The following ZBTB16 variants were observed in gnomAD, a reference collection of about 807,000 sequenced individuals.
The protein encoded by ZBTB16 is zinc finger and BTB domain-containing protein 16.
In ZBTB16, 8 loss-of-function variants were observed where a neutral mutation model predicts 56.8. The observed-to-expected ratio is 0.14, with a 90% CI of 0.08 to 0.25. The LOEUF (loss-of-function observed/expected upper bound fraction) is 0.25. Among genes scored for constraint, ZBTB16 ranks in the 10% least tolerant of loss-of-function variants. ZBTB16 has a pLI of 1.00. For synonymous variants in ZBTB16, 363 were observed against 368.5 expected (o/e 0.98, Z 0.17); for missense variants, 625 against 903.0 (o/e 0.69, Z 3.95).
chr11:114,196,857 T>G (rs927251274), intron 4 of ZBTB16, among the ~76,000 whole-genome samples: 5 of 152,142 alleles, frequency 3.3e-5, no homozygotes, highest in African/African-American at 4.8e-5. Flanking sequence ...ATATAGACCT[T>G]TTTTCCTCCC....
chr11:114,250,585 G>A lies in ZBTB16; in HGVS notation c.*30G>A. Reference sequence around the variant, plus strand: ...AGGCCCGCGGCGGTGGAGCCGAGCGGGGAGCCAGGAAAGAAGAGTTGGAGT... The same window carrying A: ...AGGCCCGCGGCGGTGGAGCCGAGCGAGGAGCCAGGAAAGAAGAGTTGGAGT... On this transcript the variant is annotated 3_prime_UTR_variant, in exon 7 of 7. Coordinates refer to ENST00000335953, the MANE Select transcript of ZBTB16 (RefSeq NM_006006.6). This position sits in a 1 kb window ranked among gnomAD's most constrained non-coding sequence, Gnocchi z 6.0. 2 of 1,610,136 alleles carry A rather than the reference G, an allele frequency of 1.2e-6. No homozygotes were observed. Among genetic ancestry groups the A allele is most frequent in the Non-Finnish European group, 1.7e-6 (2 of 1,176,786 alleles).
chr11:114,075,648 T>TATATATATATATATATATATATATATATA (rs1939532573), intron 2 of ZBTB16, among the ~76,000 whole-genome samples: 1 of 147,614 alleles, frequency 6.8e-6, no homozygotes, highest in African/African-American at 2.5e-5. Flanking sequence ...TATATATATA[T>TATATATATATATATATATATATATATATA]TTAGTAGAGA....
chr11:114,096,191 C>T (rs1309481908), intron 2 of ZBTB16, among the ~76,000 whole-genome samples: 1 of 152,104 alleles, frequency 6.6e-6, no homozygotes, highest in African/African-American at 2.4e-5. Context: ...CCTAAAATTG[C>T]CTTTTCCCTT....
chr11:114,172,567 G>A (rs777923425), intron 3 of ZBTB16, among the ~76,000 whole-genome samples: 2 of 152,126 alleles, frequency 1.3e-5, no homozygotes, highest in African/African-American at 4.8e-5. Context: ...TAACCTCTGC[G>A]GCAAAGTTGT....
At chr11:114,083,524 T>G (rs1565615496) in intron 2 of ZBTB16, among the ~76,000 whole-genome samples, 1 of 152,134 alleles carries the variant, frequency 6.6e-6, no homozygotes, top group Non-Finnish European at 1.5e-5. Flanking sequence ...CCAAGCTTCC[T>G]CAGCCACCCA....
chr11:114,130,891 CTG>C (rs1460625207), intron 2 of ZBTB16, among the ~76,000 whole-genome samples: 1 of 152,192 alleles, frequency 6.6e-6, no homozygotes, highest in Non-Finnish European at 1.5e-5. Context: ...TTCTGGCTAA[CTG>C]AGGCTTAACT....
chr11:114,142,295 C>T (rs1285364711), intron 2 of ZBTB16, among the ~76,000 whole-genome samples: 2 of 152,216 alleles, frequency 1.3e-5, no homozygotes, highest in Admixed American at 1.3e-4. Flanking sequence ...ACCCCCTTCC[C>T]CAGTAGCTCT....
intron 2 of ZBTB16, among the ~76,000 whole-genome samples, chr11:114,100,006 G>A (rs1000800076): frequency 6.6e-6 from 1 of 152,140 alleles, no homozygotes; most frequent in African/African-American, 2.4e-5. Context: ...TCCTTAAAAG[G>A]TTTAAAAAGA....
intron 2 of ZBTB16, among the ~76,000 whole-genome samples, chr11:114,069,377 G>A (rs1460439137): frequency 7.9e-5 from 12 of 152,222 alleles, no homozygotes; most frequent in Admixed American, 5.9e-4. Context: ...GAGCCACCAC[G>A]CCCGGCCTAT....
chr11:114,229,358 C>G (rs1183891570), intron 4 of ZBTB16, among the ~76,000 whole-genome samples: 3 of 152,184 alleles, frequency 2.0e-5, no homozygotes, highest in Non-Finnish European at 4.4e-5. Flanking sequence ...GGATAGAGAA[C>G]AGCTAGCAGA....
At chr11:114,072,585 T>C (rs1405113089) in intron 2 of ZBTB16, among the ~76,000 whole-genome samples, 7 of 152,134 alleles carry the variant, frequency 4.6e-5, no homozygotes, top group Non-Finnish European at 8.8e-5. Context: ...GCTTCTAAAA[T>C]GTGGACTCAG....
intron 5 of ZBTB16, among the ~76,000 whole-genome samples, chr11:114,243,764 T>C (rs1353075927): frequency 1.3e-5 from 2 of 152,226 alleles, no homozygotes; most frequent in African/African-American, 4.8e-5. Context: ...TTTCAGCCAC[T>C]TCTGAGCATG....
At chr11:114,218,128 T>C (rs1447882805) in intron 4 of ZBTB16, among the ~76,000 whole-genome samples, 2 of 152,142 alleles carry the variant, frequency 1.3e-5, no homozygotes, top group South Asian at 2.1e-4. Context: ...CCAGGGGGAT[T>C]GGATGGGCAG....
intron 4 of ZBTB16, among the ~76,000 whole-genome samples, chr11:114,203,850 C>T (rs1224553147): frequency 1.3e-5 from 2 of 152,114 alleles, no homozygotes; most frequent in South Asian, 4.1e-4. Flanking sequence ...TCCTTGCCCT[C>T]CCCATTCCTC....
In ZBTB16 at chr11:114,106,198, A is replaced by G. The variant is rs1168581928; in HGVS notation, c.1268+41630A>G. Among the ~76,000 whole-genome samples, 3 of 152,102 alleles carry G rather than the reference A, an allele frequency of 2.0e-5. No homozygotes were observed. In the East Asian group the frequency reaches 5.8e-4, roughly 29 times the overall value. ...CTTCCCACCAACCAAGTACAGCAGCACGACAGCCGCAGGCCTTTCTGAAGT... is the reference window on the plus strand; with the variant it reads ...CTTCCCACCAACCAAGTACAGCAGCGCGACAGCCGCAGGCCTTTCTGAAGT... On this transcript the variant is annotated intron_variant, in intron 2 of 6. Transcript: ENST00000335953.
At chr11:114,203,285 G>T (rs938356483) in intron 4 of ZBTB16, among the ~76,000 whole-genome samples, 5 of 152,234 alleles carry the variant, frequency 3.3e-5, no homozygotes, top group Non-Finnish European at 7.3e-5. Flanking sequence ...ATTAGTGGAT[G>T]CCACAGGCTT....
At chr11:114,123,672 T>A (rs1225803879) in intron 2 of ZBTB16, among the ~76,000 whole-genome samples, 1 of 152,180 alleles carries the variant, frequency 6.6e-6, no homozygotes, top group Non-Finnish European at 1.5e-5. Context: ...AAATTGAGTC[T>A]AAATTCCCAT....
At position 114,080,445 on chromosome 11, in the gene ZBTB16, CCTCT is replaced by C. The variant is rs150621909; in HGVS notation, c.1268+15896_1268+15899del. Among the ~76,000 whole-genome samples the C allele has an allele frequency of 4.5e-3, 670 of 149,802 alleles. 5 individuals carry two copies. Among genetic ancestry groups the C allele is most frequent in the African/African-American group, 0.015 (627 of 40,940 alleles). On this transcript the variant is annotated intron_variant, in intron 2 of 6. Transcript: ENST00000335953. ...CACATGCTCGCTCTCGCTGGTGCTC[CCTCT>C]CTCTCTCTCTCTCTCTCTGCATTAT...
At chr11:114,189,987 A>G (rs1450527386) in intron 4 of ZBTB16, among the ~76,000 whole-genome samples, 2 of 152,202 alleles carry the variant, frequency 1.3e-5, no homozygotes, top group African/African-American at 2.4e-5. Flanking sequence ...ATGGTATACT[A>G]TTTGGCCTTA....
Sources: allele counts gnomAD v4.1 joint callset (sites outside exome capture counted in the v4.1 genomes callset), GRCh38; gene constraint gnomAD v4.1.1; non-coding constraint Gnocchi (gnomAD v3.1); transcripts MANE v1.5; gene names NCBI Gene and HGNC (gene_info 2026-07-23, HGNC 2026-07-21).